The following ATOSB variants were observed in gnomAD, a reference collection of about 807,000 sequenced individuals.
ATOSB encodes the protein atos homolog protein B.
chr9:35,105,336 C>G, the ATOSB span: 1 of 1,614,034 alleles, frequency 6.2e-7, no homozygotes, highest in Non-Finnish European at 8.5e-7. This position sits in a 1 kb window ranked among gnomAD's most constrained non-coding sequence, Gnocchi z 5.5. Context: ...GCGGATATCT[C>G]CATGCAGGCT....
chr9:35,108,566 A>C, the ATOSB span: 1 of 1,208,290 alleles, frequency 8.3e-7, no homozygotes, highest in Non-Finnish European at 1.0e-6. Flanking sequence ...TACTGGACAC[A>C]CTTCCCCCTC....
At chr9:35,106,119 T>C in the ATOSB span, 1 of 1,507,162 alleles carries the variant, frequency 6.6e-7, no homozygotes, top group Non-Finnish European at 9.0e-7. This position sits in a 1 kb window ranked among gnomAD's most constrained non-coding sequence, Gnocchi z 4.6. Flanking sequence ...TGCCCTACAG[T>C]AGAGTTCTCC....
the ATOSB span, chr9:35,111,727 G>A: frequency 6.6e-6 from 1 of 152,236 alleles, no homozygotes; most frequent in South Asian, 2.1e-4. Flanking sequence ...GCGACCTCAA[G>A]TGCGAGGCAC....
chr9:35,107,585 AGG>A, the ATOSB span: 1 of 1,587,902 alleles, frequency 6.3e-7, no homozygotes, highest in Non-Finnish European at 8.6e-7. Context: ...GTCCAGGGCC[AGG>A]GGGTGTGTGC....
At chr9:35,105,572 A>C in the ATOSB span, 1 of 1,227,362 alleles carries the variant, frequency 8.1e-7, no homozygotes, top group Non-Finnish European at 1.1e-6. This position sits in a 1 kb window ranked among gnomAD's most constrained non-coding sequence, Gnocchi z 5.5. Context: ...CATACATAAA[A>C]ATTTAAAAAT....
At chr9:35,106,308 G>C in the ATOSB span, 1 of 1,614,202 alleles carries the variant, frequency 6.2e-7, no homozygotes, top group East Asian at 2.2e-5. The surrounding 1 kb of genome is among the most constrained non-coding windows in gnomAD (Gnocchi z 4.6). Flanking sequence ...ACAGTGACAG[G>C]CAGCGTGACG....
the ATOSB span, chr9:35,107,846 G>T: frequency 8.8e-6 from 14 of 1,598,380 alleles, no homozygotes; most frequent in East Asian, 2.9e-4. Flanking sequence ...GGGGGCAGGG[G>T]GGACTCCAGG....
At chr9:35,108,010 C>A in the ATOSB span, 1 of 1,562,038 alleles carries the variant, frequency 6.4e-7, no homozygotes, top group Admixed American at 2.0e-5. Context: ...GGTAGTCCCT[C>A]TCTGGCCCCC....
chr9:35,105,039 A>C, the ATOSB span: 1 of 608,884 alleles, frequency 1.6e-6, no homozygotes, highest in East Asian at 3.3e-5. The surrounding 1 kb of genome is among the most constrained non-coding windows in gnomAD (Gnocchi z 5.5). Context: ...GGAGTACCCG[A>C]AGTAGGGCAG....
the ATOSB span, chr9:35,106,691 A>C: frequency 6.7e-7 from 1 of 1,485,754 alleles, no homozygotes; most frequent in Non-Finnish European, 9.2e-7. This position sits in a 1 kb window ranked among gnomAD's most constrained non-coding sequence, Gnocchi z 4.6. Flanking sequence ...GTATTCTGGG[A>C]TTCCTGCTTA....
the ATOSB span, chr9:35,105,492 G>T: frequency 7.7e-7 from 1 of 1,294,960 alleles, no homozygotes; most frequent in Non-Finnish European, 1.1e-6. The surrounding 1 kb of genome is among the most constrained non-coding windows in gnomAD (Gnocchi z 5.5). Context: ...AGGAGTTGGA[G>T]ACCAGCCTAA....
the ATOSB span, chr9:35,108,569 T>C: frequency 3.4e-6 from 4 of 1,191,586 alleles, no homozygotes; most frequent in South Asian, 2.7e-5. Context: ...TGGACACACT[T>C]CCCCCTCTTC....
At chr9:35,108,354 G>GT in the ATOSB span, 1 of 1,440,354 alleles carries the variant, frequency 6.9e-7, no homozygotes, top group Non-Finnish European at 9.1e-7. Flanking sequence ...GGACATCTGT[G>GT]TAAGAGAAGA....
the ATOSB span, among the ~76,000 whole-genome samples, chr9:35,114,479 G>T: frequency 6.6e-6 from 1 of 152,012 alleles, no homozygotes. Flanking sequence ...TTTAGCCACT[G>T]TGTGGAACTC....
the ATOSB span, among the ~76,000 whole-genome samples, chr9:35,115,037 G>T: frequency 1.3e-5 from 2 of 151,842 alleles, no homozygotes; most frequent in South Asian, 4.2e-4. Flanking sequence ...CAGAGCATAA[G>T]GGCAGGGCGG....
chr9:35,113,820 TC>T, the ATOSB span, among the ~76,000 whole-genome samples: 5 of 152,110 alleles, frequency 3.3e-5, 1 homozygote, highest in African/African-American at 1.2e-4. Context: ...CAACTTTGTT[TC>T]GTTCATGCTC....
the ATOSB span, chr9:35,107,766 G>T: frequency 1.3e-6 from 2 of 1,565,334 alleles, no homozygotes; most frequent in South Asian, 1.2e-5. Context: ...CTCCCCCAGG[G>T]ACCCCTGTCC....
chr9:35,107,761 C>G, the ATOSB span: 1 of 1,565,996 alleles, frequency 6.4e-7, no homozygotes, highest in South Asian at 1.2e-5. Context: ...GGGGACTCCC[C>G]CAGGGACCCC....
the ATOSB span, chr9:35,106,701 A>C: frequency 1.4e-6 from 2 of 1,472,768 alleles, no homozygotes; most frequent in South Asian, 1.2e-5. The surrounding 1 kb of genome is among the most constrained non-coding windows in gnomAD (Gnocchi z 4.6). Context: ...ATTCCTGCTT[A>C]TGCCCTTGGA....
Sources: allele counts gnomAD v4.1 joint callset (sites outside exome capture counted in the v4.1 genomes callset), GRCh38; gene constraint gnomAD v4.1.1; non-coding constraint Gnocchi (gnomAD v3.1); transcripts MANE v1.5; gene names NCBI Gene and HGNC (gene_info 2026-07-23, HGNC 2026-07-21).